The following XKR9 variants were observed in gnomAD, a reference collection of about 807,000 sequenced individuals.
The protein encoded by XKR9 is XK-related protein 9.
Under a neutral mutation model 32.0 loss-of-function variants are expected in XKR9, and 32 were observed. The ratio of observed to expected loss-of-function variants is 1.00; its 90% CI spans 0.76 to 1.34. The LOEUF (loss-of-function observed/expected upper bound fraction) is 1.34, where lower values mean the gene tolerates loss of function less well. XKR9 is among the 40% of genes most tolerant of loss of function. The pLI, the probability that XKR9 is intolerant of heterozygous loss-of-function variation, is 0.00. For missense variants in XKR9, 546 were observed against 429.7 expected (o/e 1.27, Z -2.39); for synonymous variants, 168 against 143.4 (o/e 1.17, Z -1.22).
At chr8:70,765,308 C>T (rs932897604) in intron 2 of XKR9, among the ~76,000 whole-genome samples, 6 of 152,164 alleles carry the variant, frequency 3.9e-5, no homozygotes, top group Admixed American at 3.9e-4. Context: ...GATGGTATCT[C>T]ATTGTGGTTT....
the XKR9 span, among the ~76,000 whole-genome samples, chr8:70,955,789 T>G: frequency 6.6e-6 from 1 of 152,200 alleles, no homozygotes; most frequent in Non-Finnish European, 1.5e-5. Context: ...CGAGTGAGCA[T>G]GGGGTCTGGC....
intron 3 of XKR9, among the ~76,000 whole-genome samples, chr8:70,693,056 G>A (rs1181997524): frequency 6.6e-6 from 1 of 152,156 alleles, no homozygotes; most frequent in African/African-American, 2.4e-5. Flanking sequence ...TTCATATGTT[G>A]AATCAACCTT....
At position 70,706,983 on chromosome 8, in the gene XKR9, G is replaced by C; in HGVS notation, c.323G>C (p.Ser108Thr). 1 of 1,613,246 alleles carries C rather than the reference G, an allele frequency of 6.2e-7. No individual in the cohort carries two copies. The highest frequency in any genetic ancestry group is 8.5e-7 in the Non-Finnish European group (1 of 1,179,392). ...RGYHAAFKYDSNTSNFVEEQI... is the reference protein window; with the variant it reads ...RGYHAAFKYDTNTSNFVEEQI... Reference sequence around the variant, plus strand: ...TACCATGCAGCTTTTAAATATGACAGCAATACTAGTAACTTCGTGGAAGAA... The same window carrying C: ...TACCATGCAGCTTTTAAATATGACACCAATACTAGTAACTTCGTGGAAGAA... The change falls in exon 4 of 5, where the codon AGC becomes ACC. Residue 108 changes from serine (S) to threonine (T), a missense_variant. Coordinates refer to ENST00000408926, the MANE Select transcript of XKR9 (RefSeq NM_001011720.2).
the XKR9 span, among the ~76,000 whole-genome samples, chr8:70,930,679 A>G: frequency 6.6e-6 from 1 of 152,216 alleles, no homozygotes; most frequent in Non-Finnish European, 1.5e-5. Context: ...CAAATTAGAG[A>G]AAATTCAGAG....
At chr8:70,900,514 G>C in the XKR9 span, among the ~76,000 whole-genome samples, 2 of 151,872 alleles carry the variant, frequency 1.3e-5, no homozygotes, top group African/African-American at 4.8e-5. Flanking sequence ...GCTTGAACCT[G>C]GGGGACAGAG....
At chr8:70,813,948 T>C in the XKR9 span, among the ~76,000 whole-genome samples, 22 of 152,318 alleles carry the variant, frequency 1.4e-4, no homozygotes, top group African/African-American at 5.3e-4. Context: ...ACTGAGTATA[T>C]ACCCAAAGGA....
At chr8:70,895,492 A>G in the XKR9 span, among the ~76,000 whole-genome samples, 1 of 152,168 alleles carries the variant, frequency 6.6e-6, no homozygotes, top group Non-Finnish European at 1.5e-5. Flanking sequence ...AATTTTAAGA[A>G]TCAGCTTAAC....
At position 70,725,779 on chromosome 8, in the gene XKR9, G is replaced by A. The variant is rs115130856; in HGVS notation, c.494-8017G>A. Among the ~76,000 whole-genome samples the A allele has an allele frequency of 1.1e-3, 170 of 152,044 alleles. 1 individual carries two copies. The highest frequency in any genetic ancestry group is 6.8e-3 in the Middle Eastern group (2 of 294). On this transcript the variant is annotated intron_variant, in intron 4 of 4. Transcript: ENST00000408926. ...AAATTAGCTGGGCATGGTAGTGGTC[G>A]CCTGTAATACCAGCTACTCAGGAGG...
the XKR9 span, among the ~76,000 whole-genome samples, chr8:70,915,188 A>G: frequency 0.084 from 12,714 of 152,038 alleles, 603 homozygotes; most frequent in African/African-American, 0.097. Context: ...AAAATATCTT[A>G]TAACACTAAT....
the XKR9 span, among the ~76,000 whole-genome samples, chr8:71,046,024 G>A: frequency 6.6e-6 from 1 of 152,102 alleles, no homozygotes; most frequent in Non-Finnish European, 1.5e-5. Flanking sequence ...TAAAACTAAA[G>A]AAGAAGCAGT....
intron 2 of XKR9, among the ~76,000 whole-genome samples, chr8:70,771,173 C>T (rs1807449020): frequency 6.6e-6 from 1 of 152,164 alleles, no homozygotes; most frequent in Non-Finnish European, 1.5e-5. Flanking sequence ...GACGGAGTTC[C>T]CTGACCCCTT....
chr8:70,896,122 T>C, the XKR9 span, among the ~76,000 whole-genome samples: 1 of 152,192 alleles, frequency 6.6e-6, no homozygotes, highest in East Asian at 1.9e-4. Flanking sequence ...TCATGTTTTG[T>C]TGAGGATTTA....
chr8:71,064,221 A>G, the XKR9 span, among the ~76,000 whole-genome samples: 2 of 152,288 alleles, frequency 1.3e-5, no homozygotes, highest in South Asian at 4.1e-4. Flanking sequence ...GTACTTGAAA[A>G]TCACAGATCT....
the XKR9 span, among the ~76,000 whole-genome samples, chr8:70,960,260 A>T: frequency 0.06 from 9,190 of 152,044 alleles, 390 homozygotes; most frequent in Non-Finnish European, 0.085. Context: ...AAAAAAAAAA[A>T]ATATATTTGC....
At chr8:71,035,508 A>G in the XKR9 span, among the ~76,000 whole-genome samples, 1 of 152,220 alleles carries the variant, frequency 6.6e-6, no homozygotes, top group Non-Finnish European at 1.5e-5. Flanking sequence ...TTTATCAGAC[A>G]TTCTCATGTT....
the XKR9 span, among the ~76,000 whole-genome samples, chr8:70,966,815 C>T: frequency 6.6e-6 from 1 of 152,074 alleles, no homozygotes; most frequent in Non-Finnish European, 1.5e-5. Context: ...GTATTGCGTG[C>T]ATATATATTT....
intron 3 of XKR9, among the ~76,000 whole-genome samples, chr8:70,698,616 A>G (rs1805384680): frequency 2.0e-5 from 3 of 151,974 alleles, no homozygotes; most frequent in African/African-American, 4.8e-5. Flanking sequence ...TATGTGGTCA[A>G]TTTTGGAATA....
chr8:70,825,713 T>C, the XKR9 span, among the ~76,000 whole-genome samples: 2 of 152,096 alleles, frequency 1.3e-5, no homozygotes, highest in African/African-American at 4.8e-5. Flanking sequence ...GTGAATGTCA[T>C]TGCTGTCATC....
chr8:70,999,579 A>G, the XKR9 span, among the ~76,000 whole-genome samples: 1 of 152,220 alleles, frequency 6.6e-6, no homozygotes, highest in Non-Finnish European at 1.5e-5. Flanking sequence ...TGATCTGTTC[A>G]TGGTGGAAAA....
Sources: gnomAD v4.1 joint callset for allele counts (sites outside exome capture counted in the v4.1 genomes callset) on GRCh38, gnomAD v4.1.1 for gene constraint, MANE v1.5 for transcripts, NCBI Gene and HGNC (gene_info 2026-07-23, HGNC 2026-07-21) for gene names.